Variants in KLF12 observed in about 807,000 individuals in gnomAD.
KLF12 encodes KLF transcription factor 12.
A neutral mutation model predicts 37.8 loss-of-function variants in KLF12; 9 were observed. The ratio of observed to expected loss-of-function variants is 0.24; its 90% CI spans 0.14 to 0.42. The LOEUF is 0.42. KLF12 is among the 10% of genes least tolerant of loss of function. The pLI is 1.00. For missense variants in KLF12, 411 were observed against 516.0 expected (o/e 0.80, Z 1.97); for synonymous variants, 208 against 202.1 (o/e 1.03, Z -0.25).
Position 73,890,642 on chromosome 13 carries a change from C to CA in KLF12, c.124-44270dup, listed in dbSNP as rs542283069. 5.0e-3 allele frequency among the ~76,000 whole-genome samples: 755 copies of CA among 151,966 alleles called. 4 individuals carry two copies. The highest frequency in any genetic ancestry group is 8.6e-3 in the Non-Finnish European group (582 of 67,922). Reference sequence around the variant, plus strand: ...ACCAGCCTCCTGCACTAGGCCCCAGCAGACTAGACCAAATCAGAATGGAGT... The same window carrying CA: ...ACCAGCCTCCTGCACTAGGCCCCAGCAAGACTAGACCAAATCAGAATGGAGT... On this transcript the variant is annotated intron_variant, in intron 3 of 7. Transcript: ENST00000377669.
intron 3 of KLF12, among the ~76,000 whole-genome samples, chr13:73,942,522 G>T (rs1440721990): frequency 6.6e-6 from 1 of 152,038 alleles, no homozygotes; most frequent in Non-Finnish European, 1.5e-5. Context: ...AATCAATAAA[G>T]GTTGAAACTA....
At chr13:73,884,941 C>T (rs1566437613) in intron 3 of KLF12, among the ~76,000 whole-genome samples, 1 of 152,184 alleles carries the variant, frequency 6.6e-6, no homozygotes, top group South Asian at 2.1e-4. Context: ...GGGCACCATA[C>T]TTCCCTGTTT....
intron 3 of KLF12, among the ~76,000 whole-genome samples, chr13:73,895,289 G>A (rs1887711335): frequency 6.6e-6 from 1 of 152,128 alleles, no homozygotes; most frequent in Admixed American, 6.5e-5. Flanking sequence ...ATCCTAGAAC[G>A]GCTCCCTTGG....
intron 4 of KLF12, among the ~76,000 whole-genome samples, chr13:73,818,571 A>C (rs2138483259): frequency 6.6e-6 from 1 of 152,390 alleles, no homozygotes; most frequent in Non-Finnish European, 1.5e-5. Context: ...CTTCTGTTGA[A>C]GTAAACTTGC....
intron 2 of KLF12, among the ~76,000 whole-genome samples, chr13:73,994,168 T>C (rs1329752368): frequency 1.3e-5 from 2 of 152,196 alleles, no homozygotes; most frequent in African/African-American, 4.8e-5. Context: ...GAAGGTAGGC[T>C]GGCAGAAAAA....
intron 1 of KLF12, among the ~76,000 whole-genome samples, chr13:74,041,300 TTTC>T (rs1298556876): frequency 6.6e-6 from 1 of 152,218 alleles, no homozygotes; most frequent in Non-Finnish European, 1.5e-5. Flanking sequence ...TGTAGTATAG[TTTC>T]TCATGTAGGT....
At chr13:73,783,750 A>G (rs1881130050) in intron 5 of KLF12, among the ~76,000 whole-genome samples, 1 of 152,076 alleles carries the variant, frequency 6.6e-6, no homozygotes, top group African/African-American at 2.4e-5. Flanking sequence ...TGCAATTTGG[A>G]AATATCTTTG....
chr13:74,000,347 T>C (rs1892242196), intron 1 of KLF12, among the ~76,000 whole-genome samples: 1 of 152,166 alleles, frequency 6.6e-6, no homozygotes, highest in Admixed American at 6.5e-5. Context: ...TCTCAGAGTA[T>C]AGTGTTCATA....
intron 1 of KLF12, among the ~76,000 whole-genome samples, chr13:74,007,616 G>T (rs1013948759): frequency 6.6e-6 from 1 of 151,984 alleles, no homozygotes; most frequent in Non-Finnish European, 1.5e-5. Flanking sequence ...AGCTAATGTC[G>T]GAGGTTCTAG....
chr13:74,277,173 T>C, the KLF12 span, among the ~76,000 whole-genome samples: 5 of 152,264 alleles, frequency 3.3e-5, no homozygotes, highest in African/African-American at 1.2e-4. Context: ...ATATTATACA[T>C]GTCTTCACAT....
intron 2 of KLF12, among the ~76,000 whole-genome samples, chr13:73,945,307 A>G (rs1890372408): frequency 6.6e-6 from 1 of 152,110 alleles, no homozygotes; most frequent in African/African-American, 2.4e-5. Flanking sequence ...CGTCTCTACT[A>G]AAAATACAAA....
the KLF12 span, among the ~76,000 whole-genome samples, chr13:74,181,963 A>T: frequency 6.6e-6 from 1 of 152,224 alleles, no homozygotes; most frequent in African/African-American, 2.4e-5. Context: ...TATGCCTAAC[A>T]CACATATATA....
chr13:73,990,874 G>A (rs150622359), intron 2 of KLF12, among the ~76,000 whole-genome samples: 6 of 151,922 alleles, frequency 3.9e-5, no homozygotes, highest in Non-Finnish European at 5.9e-5. Context: ...TTAAAAAACC[G>A]TTTCTAATTA....
At chr13:74,204,067 T>C in the KLF12 span, among the ~76,000 whole-genome samples, 90 of 152,262 alleles carry the variant, frequency 5.9e-4, no homozygotes, top group African/African-American at 1.6e-3. Context: ...AGTGCCTTCC[T>C]CTCTTCCATC....
intron 6 of KLF12, among the ~76,000 whole-genome samples, chr13:73,744,345 C>G (rs1173869944): frequency 6.6e-6 from 1 of 152,136 alleles, no homozygotes; most frequent in Non-Finnish European, 1.5e-5. Context: ...GTCAATACTA[C>G]CTATTGTGAA....
intron 4 of KLF12, among the ~76,000 whole-genome samples, chr13:73,842,933 T>C (rs1394057563): frequency 1.3e-5 from 2 of 152,212 alleles, no homozygotes; most frequent in African/African-American, 4.8e-5. Flanking sequence ...AGTTTTACTA[T>C]TACCTAATTA....
chr13:74,292,004 T>C, the KLF12 span, among the ~76,000 whole-genome samples: 1 of 152,342 alleles, frequency 6.6e-6, no homozygotes, highest in South Asian at 2.1e-4. Context: ...ATTGTAGACA[T>C]TGGACATTCA....
intron 2 of KLF12, among the ~76,000 whole-genome samples, chr13:73,957,064 AGG>A (rs1890865258): frequency 3.8e-5 from 3 of 79,308 alleles, no homozygotes; most frequent in South Asian, 9.9e-4. Flanking sequence ...AGGAAAGGAA[AGG>A]AAAGGAAAGG....
intron 5 of KLF12, among the ~76,000 whole-genome samples, chr13:73,808,682 T>A (rs1195510565): frequency 1.3e-5 from 2 of 152,196 alleles, no homozygotes; most frequent in African/African-American, 4.8e-5. Context: ...ACAAATAATT[T>A]ACTAGCTCAG....
Sources: allele counts gnomAD v4.1 joint callset (sites outside exome capture counted in the v4.1 genomes callset), GRCh38; gene constraint gnomAD v4.1.1; transcripts MANE v1.5; gene names NCBI Gene and HGNC (gene_info 2026-07-23, HGNC 2026-07-21).